The following HUWE1 variants were observed in gnomAD, a reference collection of about 807,000 sequenced individuals.
HUWE1 encodes the protein E3 ubiquitin-protein ligase HUWE1.
Under a neutral mutation model 299.4 loss-of-function variants are expected in HUWE1, and 18 were observed. That is an observed-to-expected ratio of 0.06 (90% CI 0.04 to 0.09). The LOEUF is 0.09. HUWE1 is among the 10% of genes least tolerant of loss of function. The pLI is 1.00. For synonymous variants in HUWE1, 1,317 were observed against 1,286.1 expected (o/e 1.02, Z -0.51); for missense variants, 1,832 against 3,462.3 (o/e 0.53, Z 11.82).
At chrX:53,674,915 C>G (rs1349959761) in intron 3 of HUWE1, among the ~76,000 whole-genome samples, 1 of 111,998 alleles carries the variant, frequency 8.9e-6, no homozygotes, top group Non-Finnish European at 1.9e-5. Context: ...AACATAGCTA[C>G]TAAGTATTTT....
Position 53,648,194 on chromosome X carries a change from G to A in HUWE1, c.144+18C>T, listed in dbSNP as rs1219639668. On this transcript the variant is annotated intron_variant, in intron 5 of 83. Transcript: ENST00000262854. ...TAGTATGGTGAGTCCTGTCTTTTGGGAGCTTGACTTCACATACCTTTCCAA... is the reference window on the plus strand; with the variant it reads ...TAGTATGGTGAGTCCTGTCTTTTGGAAGCTTGACTTCACATACCTTTCCAA... The A allele has an allele frequency of 1.1e-5, 12 of 1,076,385 alleles. No homozygotes were observed. Among genetic ancestry groups the A allele is most frequent in the Admixed American group, 6.6e-5 (3 of 45,632 alleles). 88.7% of individuals were successfully genotyped at this position (1,076,385 alleles called of 1,213,427 possible).
chrX:53,545,647 A>T (rs192524090), intron 70 of HUWE1, among the ~76,000 whole-genome samples: 1 of 111,917 alleles, frequency 8.9e-6, no homozygotes, highest in Admixed American at 9.5e-5. Flanking sequence ...TGTGGAATAG[A>T]TGGTGGCAGC....
intron 37 of HUWE1, among the ~76,000 whole-genome samples, chrX:53,587,426 T>C (rs2148371946): frequency 8.9e-6 from 1 of 112,453 alleles, no homozygotes; most frequent in African/African-American, 3.2e-5. Context: ...TTAGAGAACA[T>C]TCAAAAGATG....
chrX:53,563,703 C>A (rs782140244), intron 52 of HUWE1, 43 bp downstream of exon 52: 2 of 1,192,809 alleles, frequency 1.7e-6, no homozygotes, highest in Admixed American at 2.2e-5. Flanking sequence ...CCAAGAGAGA[C>A]TGAGGCAAAG....
Position 53,558,709 on chromosome X carries a change from T to G in HUWE1, c.8106A>C (p.Thr2702=). Residue 2702 remains threonine, a synonymous_variant, in exon 59 of 84, where the codon ACA becomes ACC. Transcript: ENST00000262854. Reference sequence around the variant, plus strand: ...CTTCTTTGCCTTTATCAGTTATCTTTGTTTCTTCCTCAGCCAGTTGTTTCC... The same window carrying G: ...CTTCTTTGCCTTTATCAGTTATCTTGGTTTCTTCCTCAGCCAGTTGTTTCC... ...KRRKQLAEEE[T]KITDKGKEDK... is the part of the protein sequence containing the mutation. 8.3e-7 allele frequency: 1 copy of G among 1,210,514 alleles called. No homozygotes were observed. Among genetic ancestry groups the G allele is most frequent in the East Asian group, 3.0e-5 (1 of 33,862 alleles).
At chrX:53,682,322 AACCCAAAACAC>A (rs781881718) in intron 2 of HUWE1, among the ~76,000 whole-genome samples, 42 of 112,115 alleles carry the variant, frequency 3.7e-4, no homozygotes, top group Non-Finnish European at 5.6e-4. Context: ...GTTCAATGTG[AACCCAAAACAC>A]ACCCAAAACA....
chrX:53,677,322 G>T (rs1204019674), intron 3 of HUWE1, among the ~76,000 whole-genome samples: 1 of 110,529 alleles, frequency 9.0e-6, no homozygotes, highest in African/African-American at 3.3e-5. Context: ...CAGAACCATT[G>T]TTCTAAGCAC....
chrX:53,644,765 G>A (rs1470977467), intron 7 of HUWE1, among the ~76,000 whole-genome samples: 2 of 112,151 alleles, frequency 1.8e-5, no homozygotes, highest in African/African-American at 6.5e-5. Flanking sequence ...ACCTCTCAAA[G>A]CTAAGTATGT....
chrX:53,607,440 A>T, intron 25 of HUWE1, 83 bp downstream of exon 25: 2 of 847,673 alleles, frequency 2.4e-6, no homozygotes, highest in South Asian at 4.7e-5. Flanking sequence ...TTGAAGGGAG[A>T]CCATAGTAAA....
At chrX:53,535,171 C>G (rs781956925) in intron 81 of HUWE1, among the ~76,000 whole-genome samples, 9 of 111,397 alleles carry the variant, frequency 8.1e-5, no homozygotes, top group South Asian at 7.6e-4. Flanking sequence ...CTCACCTCAA[C>G]TGATCCGCCC....
At chrX:53,668,935 T>C (rs990746180) in intron 3 of HUWE1, among the ~76,000 whole-genome samples, 1 of 112,018 alleles carries the variant, frequency 8.9e-6, no homozygotes, top group Admixed American at 9.5e-5. Flanking sequence ...ATTGGGAGGC[T>C]CCAGTTTCAT....
At position 53,577,154 on chromosome X, in the gene HUWE1, A is replaced by G. The variant is rs112544918; in HGVS notation, c.5717-87T>C. ...AATAAAGACTCAGAAGGGGGCATGT[A>G]TGATATAGAAGGCTTGAGATAGGAG... On this transcript the variant is annotated intron_variant, in intron 43 of 83. Coordinates refer to ENST00000262854, the MANE Select transcript of HUWE1 (RefSeq NM_031407.7). 4.1e-3 allele frequency: 2,854 copies of G among 690,544 alleles called. 61 individuals are homozygous for G. The African/African-American group carries it at 0.055, about 13-fold the overall frequency. The allele number at this position is 690,544 out of a possible 1,213,427, so 56.9% of individuals were successfully genotyped here. A position where few individuals can be genotyped will look rare whatever the true frequency, so the allele number is the denominator to read the frequency against.
Position 53,583,864 on chromosome X carries a change from C to T in HUWE1, c.5214G>A (p.Glu1738=), listed in dbSNP as rs2063737614. The T allele has an allele frequency of 1.7e-6, 2 of 1,209,018 alleles. No individual in the cohort carries two copies. The highest frequency in any genetic ancestry group is 5.9e-5 in the East Asian group (2 of 33,838). ...STNTEKETSL[E]ETKIGEILIQ... Reference sequence around the variant, plus strand: ...TCAGGATCTCCCCGATTTTTGTTTCCTCCAGGCTTGTCTCCTTTTCAGTGT... The same window carrying T: ...TCAGGATCTCCCCGATTTTTGTTTCTTCCAGGCTTGTCTCCTTTTCAGTGT... Residue 1738 remains glutamate (E), a synonymous_variant, in exon 42 of 84, where the codon GAG becomes GAA. Transcript: ENST00000262854.
In HUWE1 at chrX:53,590,505, G is replaced by A. The variant is rs2064097172; in HGVS notation, c.4096-6C>T. ...TCTTCAGACATGCTGAGATCCTAGA[G>A]TGTTAAGAGAATATCCAGTAAGGAT... On this transcript the variant is annotated splice_polypyrimidine_tract_variant and splice_region_variant and intron_variant, in intron 34 of 83. Coordinates refer to ENST00000262854, the MANE Select transcript of HUWE1 (RefSeq NM_031407.7). 8.6e-7 allele frequency: 1 copy of A among 1,163,962 alleles called. No homozygotes were observed. Among genetic ancestry groups the A allele is most frequent in the Admixed American group, 2.2e-5 (1 of 45,981 alleles).
rs138230407 is a variant in HUWE1 at position 53,653,977 on chromosome X, T to C, written c.45+86A>G. On this transcript the variant is annotated intron_variant, in intron 4 of 83. Coordinates refer to ENST00000262854, the MANE Select transcript of HUWE1 (RefSeq NM_031407.7). ...CTTTTGTATATATGGGTGATGAGAT[T>C]TGAAGAGCATGGATGAACTGTTCAC... 1,332 of 653,007 alleles carry C rather than the reference T, an allele frequency of 2.0e-3. 4 individuals are homozygous for C. The highest frequency in any genetic ancestry group is 1.8e-3 in the Non-Finnish European group (761 of 412,809). 53.8% of individuals were successfully genotyped at this position (653,007 alleles called of 1,213,427 possible).
At chrX:53,598,891 A>G (rs1333269982) in intron 29 of HUWE1, among the ~76,000 whole-genome samples, 1 of 112,539 alleles carries the variant, frequency 8.9e-6, no homozygotes, top group African/African-American at 3.2e-5. Flanking sequence ...TAATAAGCTC[A>G]AATGTATACA....
intron 27 of HUWE1, 94 bp downstream of exon 27, chrX:53,603,274 T>A: frequency 1.1e-6 from 1 of 919,880 alleles, no homozygotes; most frequent in Non-Finnish European, 1.5e-6. Flanking sequence ...GCCTCTGAAC[T>A]CTCTTCCATA....
At chrX:53,641,531 G>C (rs1333731553) in intron 7 of HUWE1, among the ~76,000 whole-genome samples, 12 of 111,463 alleles carry the variant, frequency 1.1e-4, no homozygotes, top group Admixed American at 8.6e-4. Flanking sequence ...AGAGATTCAG[G>C]GGTAAACTCT....
chrX:53,565,301 A>T, intron 49 of HUWE1, 62 bp from the exon 50 acceptor site: 1 of 956,289 alleles, frequency 1.0e-6, no homozygotes, highest in Non-Finnish European at 1.5e-6. Flanking sequence ...CTATCTTCTA[A>T]ATGACACTAA....
Sources: gnomAD v4.1 joint callset for allele counts (sites outside exome capture counted in the v4.1 genomes callset) on GRCh38, gnomAD v4.1.1 for gene constraint, MANE v1.5 for transcripts, NCBI Gene and HGNC (gene_info 2026-07-23, HGNC 2026-07-21) for gene names.